The following SLC8A3 variants were observed in gnomAD, a reference collection of about 807,000 sequenced individuals.
SLC8A3 encodes the protein sodium/calcium exchanger 3.
A neutral mutation model predicts 65.4 loss-of-function variants in SLC8A3; 37 were observed. The ratio of observed to expected loss-of-function variants is 0.57; its 90% CI spans 0.44 to 0.74. SLC8A3 has a LOEUF of 0.74. Among genes scored for constraint, SLC8A3 ranks in the 30% least tolerant of loss-of-function variants. The pLI, the probability that SLC8A3 is intolerant of heterozygous loss-of-function variation, is 0.00. For synonymous variants in SLC8A3, 461 were observed against 444.5 expected (o/e 1.04, Z -0.47); for missense variants, 1,112 against 1,172.1 (o/e 0.95, Z 0.75).
At chr14:70,113,902 G>C (rs1247223628) in intron 2 of SLC8A3, among the ~76,000 whole-genome samples, 1 of 17,988 alleles carries the variant, frequency 5.6e-5, no homozygotes, top group African/African-American at 7.4e-5. Flanking sequence ...AGTAGCCTAG[G>C]GGACATTTTT....
chr14:70,071,485 A>G (rs1183068876), intron 2 of SLC8A3, among the ~76,000 whole-genome samples: 2 of 152,240 alleles, frequency 1.3e-5, no homozygotes, highest in Non-Finnish European at 2.9e-5. Flanking sequence ...GAATAGGAAC[A>G]TAGGCAGCCT....
At chr14:70,080,518 A>G (rs535544719) in intron 2 of SLC8A3, among the ~76,000 whole-genome samples, 1 of 152,208 alleles carries the variant, frequency 6.6e-6, no homozygotes, top group African/African-American at 2.4e-5. Flanking sequence ...CCTTAACTCC[A>G]GGAACCTTCC....
At chr14:70,091,496 C>T (rs2140060975) in intron 2 of SLC8A3, among the ~76,000 whole-genome samples, 1 of 152,280 alleles carries the variant, frequency 6.6e-6, no homozygotes, top group East Asian at 1.9e-4. Context: ...TATTAGGTCT[C>T]ATTTCATTTT....
intron 2 of SLC8A3, among the ~76,000 whole-genome samples, chr14:70,137,655 C>T (rs565698623): frequency 6.6e-6 from 1 of 152,266 alleles, no homozygotes; most frequent in African/African-American, 2.4e-5. Flanking sequence ...TTTGTACCAC[C>T]TGCTCAGAGG....
intron 1 of SLC8A3, among the ~76,000 whole-genome samples, chr14:70,180,288 A>G (rs755322454): frequency 1.1e-4 from 16 of 152,256 alleles, no homozygotes; most frequent in Non-Finnish European, 2.4e-4. Flanking sequence ...ATGTTGAAAT[A>G]TGGAATTAAA....
intron 1 of SLC8A3, among the ~76,000 whole-genome samples, chr14:70,170,279 TCAA>T (rs1897439423): frequency 6.6e-6 from 1 of 152,188 alleles, no homozygotes; most frequent in South Asian, 2.1e-4. Context: ...TTATTACATT[TCAA>T]CAACAATAGC....
rs558240062 is a variant in SLC8A3 at position 70,122,988 on chromosome 14, C to T, written c.1784+43651G>A. On this transcript the variant is annotated intron_variant, in intron 2 of 6. Transcript: ENST00000356921. Reference sequence around the variant, plus strand: ...TTGGGAGGCTGAGGCAGGAGAATGGCGTGAACCCAGGAGGCGGAGCTTGCA... The same window carrying T: ...TTGGGAGGCTGAGGCAGGAGAATGGTGTGAACCCAGGAGGCGGAGCTTGCA... 5.4e-5 allele frequency among the ~76,000 whole-genome samples: 8 copies of T among 149,394 alleles called. No homozygotes were observed. The South Asian group carries it at 6.3e-4, about 12-fold the overall frequency.
At chr14:70,075,574 C>G (rs879721204) in intron 2 of SLC8A3, among the ~76,000 whole-genome samples, 3 of 152,018 alleles carry the variant, frequency 2.0e-5, no homozygotes, top group Admixed American at 2.0e-4. Flanking sequence ...AGCGTGGTCC[C>G]CCTCTGCTTG....
intron 2 of SLC8A3, among the ~76,000 whole-genome samples, chr14:70,126,584 A>T (rs950981504): frequency 8.4e-4 from 124 of 148,220 alleles, no homozygotes; most frequent in African/African-American, 2.9e-3. Flanking sequence ...ACACACACAC[A>T]CACACACACA....
At chr14:70,053,872 T>C (rs1887774488) in intron 3 of SLC8A3, among the ~76,000 whole-genome samples, 1 of 152,246 alleles carries the variant, frequency 6.6e-6, no homozygotes, top group African/African-American at 2.4e-5. Context: ...GTTTCTCGGT[T>C]TGGCAATAAT....
In SLC8A3 at chr14:70,168,220, G is replaced by T; in HGVS notation, c.203C>A (p.Pro68His). Residue 68 changes from proline (P) to histidine (H), a missense_variant, in exon 2 of 7, where the codon CCT becomes CAT. By Grantham distance (77) the Pro-to-His change is moderately conservative. Transcript: ENST00000356921. ...VILPIWYPENPSLGDKIARVI... is the reference protein window; with the variant it reads ...VILPIWYPENHSLGDKIARVI... ...CCTGGCAATCTTGTCCCCAAGGGAAGGGTTCTCCGGGTACCAGATTGGCAG... is the reference window on the plus strand; with the variant it reads ...CCTGGCAATCTTGTCCCCAAGGGAATGGTTCTCCGGGTACCAGATTGGCAG... 6.2e-7 allele frequency: 1 copy of T among 1,614,192 alleles called. No individual in the cohort carries two copies. The highest frequency in any genetic ancestry group is 8.5e-7 in the Non-Finnish European group (1 of 1,180,030).
At chr14:70,066,743 G>A (rs1358648938) in intron 2 of SLC8A3, among the ~76,000 whole-genome samples, 1 of 152,142 alleles carries the variant, frequency 6.6e-6, no homozygotes, top group African/African-American at 2.4e-5. Context: ...CCCAAGAGGC[G>A]GAGGTTGCAG....
intron 2 of SLC8A3, among the ~76,000 whole-genome samples, chr14:70,121,506 T>C (rs991208666): frequency 9.9e-5 from 15 of 152,228 alleles, no homozygotes; most frequent in African/African-American, 3.6e-4. Context: ...ACTGGGCCAG[T>C]TGCCTCCTTA....
At chr14:70,162,625 G>C (rs996032968) in intron 2 of SLC8A3, among the ~76,000 whole-genome samples, 2 of 152,152 alleles carry the variant, frequency 1.3e-5, no homozygotes, top group African/African-American at 2.4e-5. Flanking sequence ...TGAGAGCCTG[G>C]GATATAGGAG....
chr14:70,052,651 A>T (rs1160945023), intron 3 of SLC8A3, among the ~76,000 whole-genome samples: 2 of 152,158 alleles, frequency 1.3e-5, no homozygotes, highest in Non-Finnish European at 2.9e-5. Flanking sequence ...CCATTTTAAG[A>T]GCACTTCTCC....
intron 4 of SLC8A3, among the ~76,000 whole-genome samples, chr14:70,051,333 C>T (rs1427358042): frequency 6.6e-6 from 1 of 152,216 alleles, no homozygotes; most frequent in Non-Finnish European, 1.5e-5. Context: ...CACTTTGTCA[C>T]CCAGGCTGGA....
chr14:70,097,106 C>T (rs1176590180), intron 2 of SLC8A3, among the ~76,000 whole-genome samples: 1 of 152,024 alleles, frequency 6.6e-6, no homozygotes, highest in Non-Finnish European at 1.5e-5. Flanking sequence ...AGGCAGGACA[C>T]AGTTCTGCAA....
chr14:70,165,813 A>G (rs1451611098), intron 2 of SLC8A3, among the ~76,000 whole-genome samples: 1 of 152,258 alleles, frequency 6.6e-6, no homozygotes, highest in Non-Finnish European at 1.5e-5. Flanking sequence ...GAGGTACTTC[A>G]GGAGAGTCCT....
At chr14:70,180,515 G>C (rs79492047) in intron 1 of SLC8A3, among the ~76,000 whole-genome samples, 1 of 152,062 alleles carries the variant, frequency 6.6e-6, no homozygotes, top group Non-Finnish European at 1.5e-5. Flanking sequence ...TCCCCTTGAG[G>C]TTGATTCCTC....
Sources: allele counts gnomAD v4.1 joint callset (sites outside exome capture counted in the v4.1 genomes callset), GRCh38; gene constraint gnomAD v4.1.1; transcripts MANE v1.5; gene names NCBI Gene and HGNC (gene_info 2026-07-23, HGNC 2026-07-21).